NBAS: variants seen among roughly 807,000 people sequenced by gnomAD.
The protein encoded by NBAS is NAG/BC035112 fusion.
In NBAS, 219 loss-of-function variants were observed where a neutral mutation model predicts 302.5. The ratio of observed to expected loss-of-function variants is 0.72; its 90% CI spans 0.65 to 0.81. The LOEUF (loss-of-function observed/expected upper bound fraction) is 0.81. NBAS is among the 30% of genes least tolerant of loss of function. The pLI is 0.00. For missense variants in NBAS, 2,932 were observed against 2,841.6 expected (o/e 1.03, Z -0.72); for synonymous variants, 1,118 against 1,021.6 (o/e 1.09, Z -1.80).
chr2:15,397,689 C>T (rs1675934459), intron 26 of NBAS: 1 of 505,128 alleles, frequency 2.0e-6, no homozygotes, highest in East Asian at 5.5e-5. Context: ...CCCTTGTACT[C>T]GGGCACACAT....
At chr2:15,023,433 G>C in the NBAS span, among the ~76,000 whole-genome samples, 1 of 151,982 alleles carries the variant, frequency 6.6e-6, no homozygotes, top group Non-Finnish European at 1.5e-5. Flanking sequence ...CATTACGTGA[G>C]AAAGATCAGC....
At chr2:15,015,981 A>G in the NBAS span, among the ~76,000 whole-genome samples, 1 of 152,194 alleles carries the variant, frequency 6.6e-6, no homozygotes, top group Non-Finnish European at 1.5e-5. Context: ...TCTATATACT[A>G]ACAATGAACC....
At chr2:14,872,020 C>T in the NBAS span, among the ~76,000 whole-genome samples, 1 of 151,998 alleles carries the variant, frequency 6.6e-6, no homozygotes, top group Non-Finnish European at 1.5e-5. Context: ...TGTATAGATA[C>T]TCACATTTAC....
chr2:14,834,312 C>A, the NBAS span, among the ~76,000 whole-genome samples: 1 of 152,276 alleles, frequency 6.6e-6, no homozygotes, highest in East Asian at 1.9e-4. Flanking sequence ...GCTGTGGAAT[C>A]ACATTTATAT....
chr2:15,221,237 A>G (rs1327534958), intron 47 of NBAS, among the ~76,000 whole-genome samples: 2 of 152,204 alleles, frequency 1.3e-5, no homozygotes, highest in Non-Finnish European at 2.9e-5. Context: ...CTGGCTGCAG[A>G]CTTTCCTAAG....
chr2:15,266,385 T>C (rs1256303367), intron 44 of NBAS, among the ~76,000 whole-genome samples: 1 of 152,076 alleles, frequency 6.6e-6, no homozygotes, highest in Non-Finnish European at 1.5e-5. Context: ...CCAGTAATCT[T>C]ACTACATTTT....
chr2:15,402,220 G>A lies in NBAS; in HGVS notation c.3019C>T (p.Gln1007Ter). Residue 1007 changes from glutamine (Q) to a stop codon, truncating the protein, a stop_gained, in exon 26 of 52, where the codon CAA becomes TAA. Coordinates refer to ENST00000281513, the MANE Select transcript of NBAS (RefSeq NM_015909.4). LOFTEE classifies it high-confidence loss of function. ...ECIYTCERNDQLCLCYDLLEC... is the reference protein window; with the variant it reads ...ECIYTCERND ...AGTAGGTCATAGCAAAGACAGAGTT[G>A]ATCATTTCGTTCACAGGTATAGATG... The A allele has an allele frequency of 6.2e-7, 1 of 1,613,544 alleles. No homozygotes were observed. The highest frequency in any genetic ancestry group is 8.5e-7 in the Non-Finnish European group (1 of 1,179,664).
At chr2:14,900,755 A>G in the NBAS span, among the ~76,000 whole-genome samples, 1 of 152,228 alleles carries the variant, frequency 6.6e-6, no homozygotes, top group Non-Finnish European at 1.5e-5. Flanking sequence ...CGCACAAGGC[A>G]TGATAAGTTC....
the NBAS span, among the ~76,000 whole-genome samples, chr2:15,025,828 C>A: frequency 6.6e-6 from 1 of 152,070 alleles, no homozygotes; most frequent in African/African-American, 2.4e-5. Flanking sequence ...CCTGAAACTT[C>A]AATAAAGTTG....
the NBAS span, among the ~76,000 whole-genome samples, chr2:14,857,652 G>A: frequency 2.6e-5 from 4 of 152,120 alleles, no homozygotes. Flanking sequence ...CCTCTTTCTT[G>A]CTATATATAA....
the NBAS span, among the ~76,000 whole-genome samples, chr2:15,099,419 T>G: frequency 2.6e-5 from 4 of 152,124 alleles, no homozygotes; most frequent in Non-Finnish European, 5.9e-5. Context: ...ACATATGTAA[T>G]TTTTATGAAA....
In NBAS at chr2:15,475,705, C is replaced by A; in HGVS notation, c.1323G>T (p.Gly441=). 6.2e-7 allele frequency: 1 copy of A among 1,613,976 alleles called. No homozygotes were observed. Among genetic ancestry groups the A allele is most frequent in the East Asian group, 2.2e-5 (1 of 44,848 alleles). The change falls in exon 14 of 52, where the codon GGG becomes GGT. Residue 441 remains glycine, a synonymous_variant. Coordinates refer to ENST00000281513, the MANE Select transcript of NBAS (RefSeq NM_015909.4). ...GCCTTACCTCCAAACTTAAAAATCC[C>A]CCATCATGGGTAGCAGTGACTTGAG... is the stretch of plus-strand genomic sequence containing the variant. ...PSPQVTATHD[G]GFLSLECEIK...
chr2:15,219,980 G>T (rs1402084082), intron 47 of NBAS, among the ~76,000 whole-genome samples: 1 of 150,504 alleles, frequency 6.6e-6, no homozygotes, highest in Admixed American at 6.6e-5. Flanking sequence ...AGGGGCGGCC[G>T]GGCAGAGGCG....
chr2:15,176,024 A>G (rs999071195), intron 51 of NBAS, among the ~76,000 whole-genome samples: 3 of 152,222 alleles, frequency 2.0e-5, no homozygotes, highest in Non-Finnish European at 2.9e-5. Flanking sequence ...TCAACAACCA[A>G]TAAGGGGAAA....
intron 35 of NBAS, among the ~76,000 whole-genome samples, chr2:15,338,740 T>C (rs1572683309): frequency 6.6e-6 from 1 of 150,792 alleles, no homozygotes. Flanking sequence ...CCAGGTGCAG[T>C]GGCTCACGCC....
At chr2:14,921,760 A>T in the NBAS span, among the ~76,000 whole-genome samples, 1 of 152,156 alleles carries the variant, frequency 6.6e-6, no homozygotes, top group African/African-American at 2.4e-5. Flanking sequence ...TACAGAAGTC[A>T]TCCTTCCCAA....
At chr2:15,036,679 GGA>G in the NBAS span, among the ~76,000 whole-genome samples, 5 of 152,158 alleles carry the variant, frequency 3.3e-5, no homozygotes, top group African/African-American at 1.2e-4. Flanking sequence ...CTTTAGTACT[GGA>G]GCTTGTAACT....
chr2:15,144,411 G>C, the NBAS span, among the ~76,000 whole-genome samples: 18 of 152,274 alleles, frequency 1.2e-4, no homozygotes, highest in African/African-American at 3.9e-4. Context: ...TTTGTTTCCT[G>C]AAAGAATGAC....
At position 15,308,197 on chromosome 2, in the gene NBAS, G is replaced by A. The variant is rs901154453; in HGVS notation, c.4797+19C>T. 6.2e-7 allele frequency: 1 copy of A among 1,614,060 alleles called. No homozygotes were observed. The highest frequency in any genetic ancestry group is 1.6e-4 in the Middle Eastern group (1 of 6,062). On this transcript the variant is annotated intron_variant, in intron 40 of 51. Coordinates refer to ENST00000281513, the MANE Select transcript of NBAS (RefSeq NM_015909.4). ...GCTTAACTCTGCTCAATAATAAGCT[G>A]GAAATCATGAAGACTCACCCTGTAA...
Sources: allele counts gnomAD v4.1 joint callset (sites outside exome capture counted in the v4.1 genomes callset), GRCh38; gene constraint gnomAD v4.1.1; transcripts MANE v1.5; gene names NCBI Gene and HGNC (gene_info 2026-07-23, HGNC 2026-07-21).